IMMP2L: variants seen among roughly 807,000 people sequenced by gnomAD.
The protein encoded by IMMP2L is mitochondrial inner membrane protease subunit 2.
Under a neutral mutation model 19.3 loss-of-function variants are expected in IMMP2L, and 18 were observed. That is an observed-to-expected ratio of 0.93 (90% CI 0.64 to 1.38). The LOEUF (loss-of-function observed/expected upper bound fraction) is 1.38. Among genes scored for constraint, IMMP2L ranks in the 40% most tolerant of loss-of-function variants. The pLI is 0.00. For missense variants in IMMP2L, 233 were observed against 218.2 expected (o/e 1.07, Z -0.43); for synonymous variants, 76 against 73.0 (o/e 1.04, Z -0.21).
intron 5 of IMMP2L, among the ~76,000 whole-genome samples, chr7:110,665,453 A>T (rs1791384291): frequency 6.6e-6 from 1 of 152,368 alleles, no homozygotes; most frequent in South Asian, 2.1e-4. Context: ...ATACAATATT[A>T]CTTATTACAT....
chr7:110,919,066 A>T (rs1813963015), intron 4 of IMMP2L, among the ~76,000 whole-genome samples: 1 of 152,220 alleles, frequency 6.6e-6, no homozygotes, highest in African/African-American at 2.4e-5. Context: ...CACAGTGCAT[A>T]CTAAATGTAC....
chr7:110,986,614 C>T (rs1821887099), intron 3 of IMMP2L, among the ~76,000 whole-genome samples: 1 of 152,060 alleles, frequency 6.6e-6, no homozygotes, highest in South Asian at 2.1e-4. Flanking sequence ...TTCCAGCTAA[C>T]AGAATTTTTA....
intron 4 of IMMP2L, among the ~76,000 whole-genome samples, chr7:110,919,545 C>A (rs754987283): frequency 3.3e-5 from 5 of 152,132 alleles, no homozygotes; most frequent in Non-Finnish European, 7.4e-5. Flanking sequence ...CTAAAGTTGA[C>A]AAGTGCTTCT....
At chr7:111,033,446 A>G (rs1414021086) in intron 3 of IMMP2L, among the ~76,000 whole-genome samples, 2 of 152,290 alleles carry the variant, frequency 1.3e-5, no homozygotes, top group South Asian at 2.1e-4. Context: ...CTCTCATCAT[A>G]TGATCCATCA....
intron 3 of IMMP2L, among the ~76,000 whole-genome samples, chr7:111,472,148 C>T (rs1429902780): frequency 6.6e-6 from 1 of 152,058 alleles, no homozygotes; most frequent in Admixed American, 6.6e-5. Flanking sequence ...TAACGTATGT[C>T]AACTCACGAT....
chr7:111,129,383 G>C (rs1480897562), intron 3 of IMMP2L, among the ~76,000 whole-genome samples: 2 of 150,920 alleles, frequency 1.3e-5, no homozygotes, highest in Non-Finnish European at 3.0e-5. Flanking sequence ...AAATTTTTGT[G>C]AAGAATATAG....
intron 3 of IMMP2L, among the ~76,000 whole-genome samples, chr7:111,063,568 C>T (rs540881180): frequency 1.6e-4 from 25 of 152,300 alleles, no homozygotes; most frequent in Admixed American, 9.2e-4. Flanking sequence ...CACTGTCAGG[C>T]TGCAGATTTT....
At chr7:111,192,344 C>A (rs896590181) in intron 3 of IMMP2L, among the ~76,000 whole-genome samples, 4 of 151,972 alleles carry the variant, frequency 2.6e-5, no homozygotes, top group Non-Finnish European at 5.9e-5. Context: ...CATTTGTTTC[C>A]TTTGACTTTT....
At chr7:111,135,954 A>G (rs964611398) in intron 3 of IMMP2L, among the ~76,000 whole-genome samples, 11 of 152,136 alleles carry the variant, frequency 7.2e-5, no homozygotes, top group Non-Finnish European at 1.5e-5. Flanking sequence ...ACAGCCCTCA[A>G]ACCTCCCAAT....
chr7:111,249,997 C>G (rs913832449), intron 3 of IMMP2L, among the ~76,000 whole-genome samples: 11 of 152,134 alleles, frequency 7.2e-5, no homozygotes, highest in Non-Finnish European at 1.5e-4. Flanking sequence ...AATCCTGTAT[C>G]TAGAAAACCC....
intron 4 of IMMP2L, among the ~76,000 whole-genome samples, chr7:110,907,804 A>T (rs2129547994): frequency 6.6e-6 from 1 of 152,288 alleles, no homozygotes; most frequent in African/African-American, 2.4e-5. Flanking sequence ...ATGAAGGAGT[A>T]CTCAGATTTG....
At chr7:111,250,336 A>G (rs1239911154) in intron 3 of IMMP2L, among the ~76,000 whole-genome samples, 2 of 152,174 alleles carry the variant, frequency 1.3e-5, no homozygotes, top group Non-Finnish European at 2.9e-5. Context: ...TCCCCAAAGT[A>G]ATTTATAGAT....
chr7:111,458,196 T>C (rs150969743), intron 3 of IMMP2L, among the ~76,000 whole-genome samples: 1,792 of 152,152 alleles, frequency 0.012, 18 homozygotes, highest in Middle Eastern at 0.02. Flanking sequence ...CTGGGCAACA[T>C]GGTGAAACCC....
At chr7:111,216,317 C>A (rs1811916334) in intron 3 of IMMP2L, among the ~76,000 whole-genome samples, 1 of 152,116 alleles carries the variant, frequency 6.6e-6, no homozygotes, top group African/African-American at 2.4e-5. Context: ...TATTTTATTT[C>A]TTTCCTAGAA....
intron 3 of IMMP2L, among the ~76,000 whole-genome samples, chr7:111,485,617 A>AAAAAAAAAAAAC (rs1563252461): frequency 1.4e-5 from 2 of 147,064 alleles, no homozygotes; most frequent in African/African-American, 5.3e-5. Flanking sequence ...AAAAAAAAAA[A>AAAAAAAAAAAAC]AAAAAAAACA....
intron 5 of IMMP2L, among the ~76,000 whole-genome samples, chr7:110,790,768 C>G (rs2131145468): frequency 6.6e-6 from 1 of 151,788 alleles, no homozygotes; most frequent in East Asian, 1.9e-4. Flanking sequence ...TTCAATTGTA[C>G]TATGGTTTAG....
At chr7:111,528,262 G>A (rs766957688) in intron 1 of IMMP2L, among the ~76,000 whole-genome samples, 3 of 151,996 alleles carry the variant, frequency 2.0e-5, no homozygotes, top group Non-Finnish European at 4.4e-5. Flanking sequence ...ACCTAGCCCC[G>A]ACTTCCTCTG....
intron 4 of IMMP2L, among the ~76,000 whole-genome samples, chr7:110,938,726 A>T (rs1373097197): frequency 6.6e-6 from 1 of 152,088 alleles, no homozygotes; most frequent in East Asian, 1.9e-4. Flanking sequence ...TTACCCCCTA[A>T]ATCTACAAAA....
intron 3 of IMMP2L, among the ~76,000 whole-genome samples, chr7:110,996,760 C>G (rs1303588630): frequency 6.6e-6 from 1 of 151,808 alleles, no homozygotes; most frequent in Admixed American, 6.6e-5. Context: ...TCTGTATAAC[C>G]TTCACTCAGT....
Sources: allele counts gnomAD v4.1 joint callset (sites outside exome capture counted in the v4.1 genomes callset), GRCh38; gene constraint gnomAD v4.1.1; transcripts MANE v1.5; gene names NCBI Gene and HGNC (gene_info 2026-07-23, HGNC 2026-07-21).